CLEC19A: variants seen among roughly 807,000 people sequenced by gnomAD.
The protein encoded by CLEC19A is C-type lectin domain containing 19A.
In CLEC19A, 21 loss-of-function variants were observed where a neutral mutation model predicts 26.1. The observed-to-expected ratio is 0.80, with a 90% confidence interval of 0.57 to 1.16. The LOEUF is 1.16. Ranked by LOEUF, CLEC19A falls within the 50% of genes most tolerant of loss-of-function variation. The pLI is 0.00. For missense variants in CLEC19A, 224 were observed against 227.6 expected (o/e 0.98, Z 0.10); for synonymous variants, 89 against 88.6 (o/e 1.00, Z -0.03).
chr16:19,296,679 C>T (rs1044439513), intron 1 of CLEC19A, among the ~76,000 whole-genome samples: 3 of 152,202 alleles, frequency 2.0e-5, no homozygotes, highest in African/African-American at 7.2e-5. Flanking sequence ...AGTTACTCAA[C>T]CTGCCTTAGC....
intron 2 of CLEC19A, among the ~76,000 whole-genome samples, chr16:19,301,728 TTTTTTTGG>T (rs1897826642): frequency 1.7e-5 from 1 of 58,806 alleles, no homozygotes; most frequent in African/African-American, 1.2e-4. Context: ...CATGCCCAGG[TTTTTTTGG>T]TTTTTTTTTT....
At chr16:19,308,918 TG>T (rs1276522335) in intron 4 of CLEC19A, 85 bp from the exon 5 acceptor site, 22 of 1,046,938 alleles carry the variant, frequency 2.1e-5, no homozygotes, top group Non-Finnish European at 3.0e-5. Flanking sequence ...CTATTGGAGA[TG>T]GCTTTTACTT....
intron 1 of CLEC19A, among the ~76,000 whole-genome samples, chr16:19,286,410 G>A (rs1172758966): frequency 6.6e-6 from 1 of 152,316 alleles, no homozygotes; most frequent in South Asian, 2.1e-4. Context: ...AGTGCCACCA[G>A]AGGTTAGGTG....
Position 19,307,690 on chromosome 16 carries a change from G to C in CLEC19A, c.481+13G>C, listed in dbSNP as rs1025159975. The C allele has an allele frequency of 2.6e-5, 41 of 1,547,962 alleles. No individual in the cohort carries two copies. The African/African-American group carries it at 3.4e-4, about 13-fold the overall frequency. On this transcript the variant is annotated intron_variant, in intron 4 of 4. Coordinates refer to ENST00000636231, the MANE Select transcript of CLEC19A (RefSeq NM_001256720.2). The stretch of plus-strand genomic sequence containing the variant: ...AGGCCTACCAGTGGTGGGTACCCCT[G>C]AGACCAAGGCTCTTGCAGGGGAGCC...
intron 1 of CLEC19A, among the ~76,000 whole-genome samples, chr16:19,289,992 G>A (rs996758132): frequency 1.3e-5 from 2 of 152,174 alleles, no homozygotes; most frequent in African/African-American, 4.8e-5. Flanking sequence ...GAGCCTCTCC[G>A]CCTCCCCTCC....
At chr16:19,289,855 G>C (rs1426694835) in intron 1 of CLEC19A, among the ~76,000 whole-genome samples, 1 of 152,206 alleles carries the variant, frequency 6.6e-6, no homozygotes, top group Non-Finnish European at 1.5e-5. Flanking sequence ...CAGCAGGAGG[G>C]CACTGAGGGT....
intron 1 of CLEC19A, among the ~76,000 whole-genome samples, chr16:19,295,341 T>C (rs1897684892): frequency 1.3e-5 from 2 of 152,126 alleles, no homozygotes; most frequent in Admixed American, 6.5e-5. Context: ...TAGCTAGGAC[T>C]ACAGGCACAC....
chr16:19,301,726 GGTTTTTTT>G, intron 2 of CLEC19A, among the ~76,000 whole-genome samples: 1 of 30,396 alleles, frequency 3.3e-5, no homozygotes, highest in South Asian at 1.3e-3. Flanking sequence ...ACCATGCCCA[GGTTTTTTT>G]GGTTTTTTTT....
intron 1 of CLEC19A, among the ~76,000 whole-genome samples, chr16:19,287,290 A>T (rs1434622557): frequency 6.6e-6 from 1 of 152,078 alleles, no homozygotes; most frequent in Non-Finnish European, 1.5e-5. Context: ...CCGCCTTCTC[A>T]CTGTACCCTC....
intron 4 of CLEC19A, 38 bp downstream of exon 4, chr16:19,307,715 C>G (rs1299793906): frequency 2.6e-6 from 4 of 1,545,448 alleles, no homozygotes; most frequent in Non-Finnish European, 3.5e-6. Flanking sequence ...GCAGGGGAGC[C>G]CAGGAGGTGT....
intron 2 of CLEC19A, among the ~76,000 whole-genome samples, chr16:19,301,736 GTTTTTTTTTTTTTT>G (rs1171248968): frequency 3.7e-5 from 3 of 81,500 alleles, no homozygotes; most frequent in Non-Finnish European, 6.9e-5. Context: ...GGTTTTTTTG[GTTTTTTTTTTTTTT>G]TTTTTTTTTT....
rs1045753664 is a variant in CLEC19A, at chr16:19,310,149, TA to T, written c.*1068del. On this transcript the variant is annotated 3_prime_UTR_variant, in exon 5 of 5. Transcript: ENST00000636231. The stretch of plus-strand genomic sequence containing the variant: ...GCAATTCCACTCCTAGATCTCGACC[TA>T]AGAGAATCGGAAACAGGTATTTAAA... 1 of 152,142 alleles carries T rather than the reference TA, an allele frequency of 6.6e-6. No individual in the cohort carries two copies. The highest frequency in any genetic ancestry group is 1.5e-5 in the Non-Finnish European group (1 of 68,032). 9.4% of individuals were successfully genotyped at this position (152,142 alleles called of 1,614,324 possible). A position where few individuals can be genotyped will look rare whatever the true frequency, so the allele number is the denominator to read the frequency against.
chr16:19,286,987 G>A (rs903850996), intron 1 of CLEC19A, among the ~76,000 whole-genome samples: 1 of 141,924 alleles, frequency 7.0e-6, no homozygotes, highest in African/African-American at 2.6e-5. Context: ...TTATCTGTTT[G>A]TTTACCTGAA....
At chr16:19,294,500 G>C (rs1421819467) in intron 1 of CLEC19A, among the ~76,000 whole-genome samples, 1 of 152,184 alleles carries the variant, frequency 6.6e-6, no homozygotes, top group Non-Finnish European at 1.5e-5. Flanking sequence ...CCCTTTCTTA[G>C]TGCAGAAACT....
intron 1 of CLEC19A, among the ~76,000 whole-genome samples, chr16:19,297,009 G>T (rs1172781810): frequency 6.6e-6 from 1 of 152,138 alleles, no homozygotes; most frequent in African/African-American, 2.4e-5. Flanking sequence ...TGTCTTCATG[G>T]ATAAGCCATC....
chr16:19,287,066 A>C (rs1315518871), intron 1 of CLEC19A, among the ~76,000 whole-genome samples: 2 of 149,116 alleles, frequency 1.3e-5, no homozygotes, highest in East Asian at 3.9e-4. Flanking sequence ...TAGTGGTAAC[A>C]ATAAGGGATA....
chr16:19,296,771 A>T (rs1163482460), intron 1 of CLEC19A, among the ~76,000 whole-genome samples: 3 of 152,202 alleles, frequency 2.0e-5, no homozygotes, highest in Non-Finnish European at 4.4e-5. Flanking sequence ...TTATTACTTC[A>T]TGAGTTCAGC....
chr16:19,302,983 G>A (rs1173474045), intron 2 of CLEC19A, among the ~76,000 whole-genome samples: 2 of 152,114 alleles, frequency 1.3e-5, no homozygotes, highest in African/African-American at 4.8e-5. Context: ...GCCATGCTTG[G>A]TCATATGGCC....
chr16:19,303,186 G>A (rs1027612402), intron 2 of CLEC19A, among the ~76,000 whole-genome samples: 1 of 152,202 alleles, frequency 6.6e-6, no homozygotes, highest in Non-Finnish European at 1.5e-5. Flanking sequence ...CATGAAGTCA[G>A]TGCTCAAGAA....
Sources: allele counts gnomAD v4.1 joint callset (sites outside exome capture counted in the v4.1 genomes callset), GRCh38; gene constraint gnomAD v4.1.1; transcripts MANE v1.5; gene names NCBI Gene and HGNC (gene_info 2026-07-23, HGNC 2026-07-21).